SYN3: variants seen among roughly 807,000 people sequenced by gnomAD.
The protein encoded by SYN3 is synapsin III.
A neutral mutation model predicts 65.8 loss-of-function variants in SYN3; 35 were observed. That is an observed-to-expected ratio of 0.53 (90% CI 0.41 to 0.70). The LOEUF is 0.70. Ranked by LOEUF, SYN3 falls within the 30% of genes least tolerant of loss-of-function variation. The pLI, the probability that SYN3 is intolerant of heterozygous loss-of-function variation, is 0.00. For synonymous variants in SYN3, 270 were observed against 292.9 expected, an observed-to-expected ratio of 0.92 and a Z score of 0.80; for missense variants, 680 against 749.0, an observed-to-expected ratio of 0.91 and a Z score of 1.08.
chr22:33,028,261 A>G (rs888155924), intron 1 of SYN3, among the ~76,000 whole-genome samples: 1 of 152,216 alleles, frequency 6.6e-6, no homozygotes, highest in Admixed American at 6.5e-5. Context: ...CCAATTCCAC[A>G]TAAGTGGAGG....
At chr22:33,009,461 G>A (rs1217322194) in intron 1 of SYN3, among the ~76,000 whole-genome samples, 1 of 151,978 alleles carries the variant, frequency 6.6e-6, no homozygotes, top group Non-Finnish European at 1.5e-5. Context: ...TAAAAGGTGG[G>A]TTGTTTATCT....
intron 13 of SYN3, among the ~76,000 whole-genome samples, chr22:32,516,467 G>A (rs183769973): frequency 1.1e-4 from 16 of 151,920 alleles, no homozygotes; most frequent in Admixed American, 3.3e-4. Context: ...AGGTTCAAGC[G>A]ATTCTCCTGC....
intron 2 of SYN3, among the ~76,000 whole-genome samples, chr22:32,983,870 C>T (rs980610022): frequency 1.3e-5 from 2 of 152,072 alleles, no homozygotes; most frequent in Non-Finnish European, 2.9e-5. Context: ...AAATAAAAGA[C>T]ATCTGTCCAC....
chr22:32,697,617 A>T (rs947621941), intron 6 of SYN3, among the ~76,000 whole-genome samples: 1 of 152,144 alleles, frequency 6.6e-6, no homozygotes, highest in Non-Finnish European at 1.5e-5. Flanking sequence ...CCCAAATCCC[A>T]TGTCTTAAAA....
At chr22:32,563,812 G>C (rs2058620507) in intron 7 of SYN3, among the ~76,000 whole-genome samples, 1 of 152,176 alleles carries the variant, frequency 6.6e-6, no homozygotes, top group South Asian at 2.1e-4. Flanking sequence ...TGGGATTACA[G>C]GCATGCACCA....
chr22:32,723,618 C>T (rs74372066), intron 6 of SYN3, among the ~76,000 whole-genome samples: 2,526 of 152,342 alleles, frequency 0.017, 33 homozygotes, highest in Middle Eastern at 0.037. Flanking sequence ...AACTTCCAAG[C>T]TCGATATACC....
intron 6 of SYN3, among the ~76,000 whole-genome samples, chr22:32,605,895 G>A (rs928734085): frequency 6.6e-6 from 1 of 152,166 alleles, no homozygotes; most frequent in African/African-American, 2.4e-5. Flanking sequence ...TGAGCCCTTG[G>A]GTAAGTCACC....
At chr22:32,593,958 G>C (rs1440993037) in intron 7 of SYN3, among the ~76,000 whole-genome samples, 2 of 152,138 alleles carry the variant, frequency 1.3e-5, no homozygotes, top group Non-Finnish European at 2.9e-5. Context: ...CCACTATAAG[G>C]AGAGTTTGGG....
chr22:32,626,708 G>A (rs1292306041), intron 6 of SYN3, among the ~76,000 whole-genome samples: 1 of 152,324 alleles, frequency 6.6e-6, no homozygotes, highest in East Asian at 1.9e-4. Flanking sequence ...ATGTGGAAGA[G>A]GCTTTGGTGC....
intron 6 of SYN3, among the ~76,000 whole-genome samples, chr22:32,726,157 T>TA: frequency 6.6e-6 from 1 of 151,982 alleles, no homozygotes; most frequent in African/African-American, 2.4e-5. Context: ...TTTTATTTTT[T>TA]TTTTGAGATG....
At chr22:32,611,349 A>C (rs1322718087) in intron 6 of SYN3, among the ~76,000 whole-genome samples, 1 of 136,314 alleles carries the variant, frequency 7.3e-6, no homozygotes, top group East Asian at 2.1e-4. Flanking sequence ...GCTGGAGTGC[A>C]ATGGCACCAT....
intron 6 of SYN3, among the ~76,000 whole-genome samples, chr22:32,847,614 C>T (rs1178960682): frequency 6.6e-6 from 1 of 152,142 alleles, no homozygotes; most frequent in Non-Finnish European, 1.5e-5. Context: ...TTTTTAAAAA[C>T]AGAGATTAGA....
intron 6 of SYN3, among the ~76,000 whole-genome samples, chr22:32,623,183 T>G (rs995077727): frequency 2.0e-5 from 3 of 152,060 alleles, no homozygotes; most frequent in Non-Finnish European, 1.5e-5. Context: ...CTTTTTTTTT[T>G]GTCATAGTTT....
chr22:32,513,836 A>AG lies in SYN3; in HGVS notation c.1611-13dup. ...GGGACTGAGATTTGCTGAAACAGAA[A>AG]GGCAAGGGGGTTGAGGAAGACAAGG... On this transcript the variant is annotated splice_polypyrimidine_tract_variant and intron_variant, in intron 13 of 13. Coordinates refer to ENST00000358763, the MANE Select transcript of SYN3 (RefSeq NM_003490.4). The AG allele has an allele frequency of 6.2e-7, 1 of 1,614,038 alleles. No individual in the cohort carries two copies. The highest frequency in any genetic ancestry group is 1.7e-5 in the Admixed American group (1 of 60,018).
chr22:32,509,945 A>G lies in SYN3; in HGVS notation c.*3747T>C, dbSNP rs187338491. Among the ~76,000 whole-genome samples, 1 of 152,274 alleles carries G rather than the reference A, an allele frequency of 6.6e-6. No homozygotes were observed. Among genetic ancestry groups the G allele is most frequent in the African/African-American group, 2.4e-5 (1 of 41,544 alleles). On this transcript the variant is annotated 3_prime_UTR_variant, in exon 14 of 14. Transcript: ENST00000358763. ...GATCTGGATATATGAGTATGGTTATAAAAATCAGGATGCCTGGCCTGATTT... is the reference window on the plus strand; with the variant it reads ...GATCTGGATATATGAGTATGGTTATGAAAATCAGGATGCCTGGCCTGATTT...
At chr22:32,920,011 G>A (rs977827488) in intron 4 of SYN3, among the ~76,000 whole-genome samples, 4 of 152,174 alleles carry the variant, frequency 2.6e-5, no homozygotes, top group Admixed American at 2.0e-4. Context: ...CAGTAAGCCT[G>A]GGTGGGAGCT....
chr22:32,951,826 T>C lies in SYN3; in HGVS notation c.370-20345A>G, dbSNP rs567331582. Among the ~76,000 whole-genome samples, 5 of 152,344 alleles carry C rather than the reference T, an allele frequency of 3.3e-5. No individual in the cohort carries two copies. In the South Asian group the frequency reaches 1.0e-3, roughly 32 times the overall value. ...CTCAGTTTGTGGCCTACAGTCGCCC[T>C]TGTCTTTCACCTTCCCGGTCTTGTG... On this transcript the variant is annotated intron_variant, in intron 3 of 13. Coordinates refer to ENST00000358763, the MANE Select transcript of SYN3 (RefSeq NM_003490.4).
At chr22:32,805,040 T>C (rs141237059) in intron 6 of SYN3, among the ~76,000 whole-genome samples, 7 of 134,586 alleles carry the variant, frequency 5.2e-5, no homozygotes, top group East Asian at 4.2e-4. Context: ...TGTGTGTGTG[T>C]GCGCGTGTGT....
intron 7 of SYN3, among the ~76,000 whole-genome samples, chr22:32,578,682 G>C (rs529941383): frequency 1.3e-5 from 2 of 152,304 alleles, no homozygotes; most frequent in East Asian, 3.9e-4. Context: ...GTAAGGGCAA[G>C]TATTATTCTG....
Sources: gnomAD v4.1 joint callset for allele counts (sites outside exome capture counted in the v4.1 genomes callset) on GRCh38, gnomAD v4.1.1 for gene constraint, MANE v1.5 for transcripts, NCBI Gene and HGNC (gene_info 2026-07-23, HGNC 2026-07-21) for gene names.